Variants in PRSS48 observed in about 807,000 individuals in gnomAD.
PRSS48 encodes epidermis-specific serine protease-like protein.
A neutral mutation model predicts 25.6 loss-of-function variants in PRSS48; 21 were observed. The observed-to-expected ratio is 0.82, with a 90% CI of 0.58 to 1.18. The LOEUF is 1.18. PRSS48 is among the 50% of genes most tolerant of loss of function. The pLI is 0.00. For missense variants in PRSS48, 373 were observed against 399.3 expected, an observed-to-expected ratio of 0.93 and a Z score of 0.56; for synonymous variants, 150 against 149.3, an observed-to-expected ratio of 1.00 and a Z score of -0.04.
chr4:151,285,687 T>G (rs1774679729), intron 4 of PRSS48, among the ~76,000 whole-genome samples: 2 of 152,034 alleles, frequency 1.3e-5, no homozygotes, highest in Non-Finnish European at 2.9e-5. Flanking sequence ...GGCAACATAG[T>G]GAGACCTTGT....
At chr4:151,280,594 T>C (rs1774120169) in intron 2 of PRSS48, among the ~76,000 whole-genome samples, 1 of 152,120 alleles carries the variant, frequency 6.6e-6, no homozygotes, top group Non-Finnish European at 1.5e-5. Flanking sequence ...ACAACAGAAA[T>C]TAAAATTCCA....
At chr4:151,280,851 TA>T (rs1171652431) in intron 2 of PRSS48, among the ~76,000 whole-genome samples, 1 of 151,732 alleles carries the variant, frequency 6.6e-6, no homozygotes, top group African/African-American at 2.4e-5. Flanking sequence ...TTCAAAATGC[TA>T]AAAAAAATTT....
At chr4:151,283,185 C>G in exon 4 of PRSS48, 2 of 1,613,868 alleles carry the variant, frequency 1.2e-6, no homozygotes, top group Non-Finnish European at 1.7e-6. Flanking sequence ...TTGTGAACAG[C>G]TCTACAATCC....
chr4:151,289,526 A>C (rs1405198213), intron 4 of PRSS48, among the ~76,000 whole-genome samples: 1 of 152,230 alleles, frequency 6.6e-6, no homozygotes, highest in Non-Finnish European at 1.5e-5. Flanking sequence ...CTCGATCATA[A>C]AAAGAGCACA....
chr4:151,277,412 C>T (rs906737223), intron 1 of PRSS48, among the ~76,000 whole-genome samples, 188 bp downstream of exon 1: 1 of 152,172 alleles, frequency 6.6e-6, no homozygotes, highest in African/African-American at 2.4e-5. Flanking sequence ...GCAGTACACA[C>T]ACACACCCAC....
chr4:151,288,436 A>G (rs1159033890), intron 4 of PRSS48, among the ~76,000 whole-genome samples: 2 of 152,308 alleles, frequency 1.3e-5, no homozygotes, highest in African/African-American at 2.4e-5. Context: ...ACTGAAGGAT[A>G]TAGGGACAAT....
At chr4:151,286,668 C>A (rs1340573446) in intron 4 of PRSS48, among the ~76,000 whole-genome samples, 1 of 150,690 alleles carries the variant, frequency 6.6e-6, no homozygotes, top group Non-Finnish European at 1.5e-5. Context: ...ATGAATTCTA[C>A]CAAACATTTA....
At chr4:151,280,020 T>A in intron 2 of PRSS48, 62 bp downstream of exon 2, 1 of 1,044,252 alleles carries the variant, frequency 9.6e-7, no homozygotes, top group African/African-American at 1.8e-5. Flanking sequence ...CATCACTTCA[T>A]GAATGAACCA....
intron 4 of PRSS48, among the ~76,000 whole-genome samples, chr4:151,285,354 G>A (rs1561431453): frequency 6.6e-6 from 1 of 152,148 alleles, no homozygotes; most frequent in East Asian, 1.9e-4. Context: ...CATATGCTAA[G>A]CTGTAAAACA....
chr4:151,281,702 A>G (rs1207548900), intron 2 of PRSS48, among the ~76,000 whole-genome samples: 1 of 150,834 alleles, frequency 6.6e-6, no homozygotes, highest in African/African-American at 2.5e-5. Context: ...TTTATTTTGT[A>G]CATCTTATCA....
At chr4:151,287,521 G>A (rs1478461189) in intron 4 of PRSS48, among the ~76,000 whole-genome samples, 6 of 152,024 alleles carry the variant, frequency 3.9e-5, no homozygotes, top group South Asian at 2.1e-4. Flanking sequence ...TATATATACC[G>A]GAATGCCGAT....
intron 1 of PRSS48, 122 bp downstream of exon 1, chr4:151,277,346 G>T (rs552607449): frequency 1.5e-6 from 1 of 651,312 alleles, no homozygotes; most frequent in African/African-American, 1.8e-5. Flanking sequence ...AGCCTGAGAA[G>T]GTCCTGAGAG....
chr4:151,290,383 T>C (rs757351946), intron 4 of PRSS48, among the ~76,000 whole-genome samples: 1 of 152,186 alleles, frequency 6.6e-6, no homozygotes, highest in Admixed American at 6.5e-5. Context: ...GGAGTACTGA[T>C]ACAACATGAA....
exon 3 of PRSS48, chr4:151,282,195 T>C (rs755978176): frequency 2.5e-6 from 4 of 1,613,940 alleles, no homozygotes; most frequent in South Asian, 1.1e-5. Flanking sequence ...TCGATTACAG[T>C]AGGTGACTCA....
At chr4:151,280,033 A>C in intron 2 of PRSS48, 75 bp downstream of exon 2, 4 of 863,260 alleles carry the variant, frequency 4.6e-6, no homozygotes, top group Non-Finnish European at 6.4e-6. Flanking sequence ...ATGAACCAAA[A>C]GACAAATGAA....
chr4:151,291,339 C>G (rs1561436881), exon 5 of PRSS48: 1 of 1,613,928 alleles, frequency 6.2e-7, no homozygotes, highest in Non-Finnish European at 8.5e-7. Context: ...TCCTGCGTCC[C>G]TCCTGTGCCT....
At chr4:151,283,353 T>C in intron 4 of PRSS48, 67 bp downstream of exon 4, 2 of 1,476,530 alleles carry the variant, frequency 1.4e-6, no homozygotes, top group Admixed American at 3.5e-5. Context: ...GGTTTTCCTA[T>C]CTGTAAATAA....
chr4:151,291,275 A>G (rs1775311092), exon 5 of PRSS48: 1 of 1,613,928 alleles, frequency 6.2e-7, no homozygotes, highest in African/African-American at 1.3e-5. Flanking sequence ...TCAAGAGCCA[A>G]CAATCTAGAC....
At position 151,282,356 on chromosome 4, in the gene PRSS48, T is replaced by C. The variant is rs1420203103; in HGVS notation, c.424T>C (p.Leu142=). ...TTGCTTGCCCAGTGTCACAAAGCAG[T>C]TGGCAATTCCACCCTTTTGTTGGGT... The change falls in exon 3 of 5, where the codon TTG becomes CTG. Residue 142 remains leucine, a synonymous_variant. Coordinates refer to ENST00000455694, the Ensembl canonical transcript of PRSS48. The C allele has an allele frequency of 6.8e-6, 11 of 1,613,928 alleles. No individual in the cohort carries two copies. In the African/African-American group the frequency reaches 8.0e-5, roughly 12 times the overall value.
Sources: allele counts gnomAD v4.1 joint callset (sites outside exome capture counted in the v4.1 genomes callset), GRCh38; gene constraint gnomAD v4.1.1; transcripts MANE v1.5; gene names NCBI Gene and HGNC (gene_info 2026-07-23, HGNC 2026-07-21).